Variants in MICAL2 observed in about 807,000 individuals in gnomAD.
MICAL2 encodes microtubule associated monooxygenase, calponin and LIM domain containing 2.
A neutral mutation model predicts 127.3 loss-of-function variants in MICAL2; 77 were observed. The ratio of observed to expected loss-of-function variants is 0.60; its 90% CI spans 0.50 to 0.73. MICAL2 has a LOEUF of 0.73. Among genes scored for constraint, MICAL2 ranks in the 30% least tolerant of loss-of-function variants. MICAL2 has a pLI of 0.00. For missense variants in MICAL2, 1,351 were observed against 1,434.4 expected (o/e 0.94, Z 0.94); for synonymous variants, 570 against 551.1 (o/e 1.03, Z -0.48).
At chr11:12,165,441 A>G (rs1303681497) in intron 3 of MICAL2, among the ~76,000 whole-genome samples, 1 of 152,268 alleles carries the variant, frequency 6.6e-6, no homozygotes, top group Non-Finnish European at 1.5e-5. Context: ...TAGTCAAGGA[A>G]GAAATGCTGG....
At chr11:12,220,817 T>C (rs1383881662) in intron 9 of MICAL2, among the ~76,000 whole-genome samples, 1 of 152,242 alleles carries the variant, frequency 6.6e-6, no homozygotes. Context: ...CGGCCCTTTG[T>C]GGCCTTTGAG....
At chr11:12,135,231 ATAAT>A (rs1283137149) in intron 1 of MICAL2, among the ~76,000 whole-genome samples, 1 of 152,234 alleles carries the variant, frequency 6.6e-6, no homozygotes, top group Non-Finnish European at 1.5e-5. Context: ...AGTAATATTA[ATAAT>A]TAAGTATAAT....
intron 13 of MICAL2, 70 bp from the exon 14 acceptor site, chr11:12,226,101 T>C: frequency 2.0e-6 from 3 of 1,491,600 alleles, no homozygotes; most frequent in Non-Finnish European, 2.8e-6. Flanking sequence ...CCTTACCACC[T>C]GAAGGTGCTC....
chr11:12,281,801 C>T (rs778161722), intron 2 of MICAL2, among the ~76,000 whole-genome samples: 2 of 152,222 alleles, frequency 1.3e-5, no homozygotes, highest in Non-Finnish European at 2.9e-5. Context: ...CTCTGGCTTA[C>T]TAAGAGGTAG....
At chr11:12,332,890 C>A (rs1290993121) in intron 32 of MICAL2, among the ~76,000 whole-genome samples, 1 of 152,144 alleles carries the variant, frequency 6.6e-6, no homozygotes, top group East Asian at 1.9e-4. Flanking sequence ...GATGGTAGGG[C>A]CTTGCAGTTT....
At chr11:12,154,426 T>C (rs559342483) in intron 2 of MICAL2, among the ~76,000 whole-genome samples, 133 of 152,240 alleles carry the variant, frequency 8.7e-4, no homozygotes, top group Non-Finnish European at 1.6e-3. Context: ...CCTTGGAATG[T>C]GTATGTAAGA....
At chr11:12,136,107 C>G (rs1181847606) in intron 1 of MICAL2, among the ~76,000 whole-genome samples, 2 of 152,106 alleles carry the variant, frequency 1.3e-5, no homozygotes, top group Admixed American at 6.5e-5. Flanking sequence ...TCATGTCCCA[C>G]TCAATCTCAC....
intron 3 of MICAL2, among the ~76,000 whole-genome samples, chr11:12,190,356 A>T (rs1376547101): frequency 1.3e-5 from 2 of 150,332 alleles, no homozygotes; most frequent in African/African-American, 2.5e-5. Context: ...TGTGTATCCA[A>T]CCCCCAGAAG....
intron 3 of MICAL2, chr11:12,196,338 T>A (rs983760130): frequency 2.0e-5 from 3 of 152,256 alleles, no homozygotes; most frequent in African/African-American, 7.2e-5. Context: ...GTTGTAGATC[T>A]GTTATGTGAG....
chr11:12,271,940 A>C (rs1300801540), upstream of MICAL2, among the ~76,000 whole-genome samples: 5 of 152,062 alleles, frequency 3.3e-5, no homozygotes, highest in Admixed American at 2.6e-4. Context: ...CAGAGTCTCT[A>C]CCTCAACACT....
At chr11:12,301,777 TAAC>T (rs1294940879) in intron 29 of MICAL2, among the ~76,000 whole-genome samples, 1 of 152,172 alleles carries the variant, frequency 6.6e-6, no homozygotes, top group African/African-American at 2.4e-5. Context: ...AGCTGGCAGT[TAAC>T]AAAGTCAGAA....
At chr11:12,353,538 G>T (rs1236221183) in intron 33 of MICAL2, among the ~76,000 whole-genome samples, 1 of 152,146 alleles carries the variant, frequency 6.6e-6, no homozygotes, top group Non-Finnish European at 1.5e-5. Flanking sequence ...ATCTGTGTGT[G>T]GTCCTCCTTT....
At chr11:12,294,605 A>G, downstream of MICAL2, 2 of 1,614,214 alleles carry the variant, frequency 1.2e-6, no homozygotes, top group Non-Finnish European at 8.5e-7. Flanking sequence ...GCCTCCAAAG[A>G]AAAGAATCTC....
chr11:12,209,380 C>T (rs1855145601), intron 5 of MICAL2, 117 bp from the exon 6 acceptor site: 3 of 817,120 alleles, frequency 3.7e-6, no homozygotes, highest in Non-Finnish European at 6.4e-6. Flanking sequence ...TGGAGGCTCT[C>T]TCTGTGATAC....
intron 3 of MICAL2, among the ~76,000 whole-genome samples, chr11:12,178,523 T>C (rs1199668559): frequency 6.6e-6 from 1 of 152,110 alleles, no homozygotes; most frequent in Non-Finnish European, 1.5e-5. Flanking sequence ...GATTTTCTGA[T>C]TGGCAATTGG....
At chr11:12,296,761 T>A (rs77252318), downstream of MICAL2, among the ~76,000 whole-genome samples, 5,811 of 152,022 alleles carry the variant, frequency 0.038, 188 homozygotes, top group African/African-American at 0.086. Flanking sequence ...AGAGCAAATT[T>A]ATATACTATA....
intron 2 of MICAL2, among the ~76,000 whole-genome samples, chr11:12,146,167 T>A (rs1852878810): frequency 6.6e-6 from 1 of 152,186 alleles, no homozygotes; most frequent in Non-Finnish European, 1.5e-5. Context: ...AAGGACTTCA[T>A]GTCTAAAACA....
At chr11:12,315,100 T>C (rs1349587862) in intron 29 of MICAL2, among the ~76,000 whole-genome samples, 2 of 152,352 alleles carry the variant, frequency 1.3e-5, no homozygotes, top group African/African-American at 2.4e-5. Context: ...TTTTAAAGGA[T>C]ATTTCTTTAG....
At chr11:12,247,094 C>T (rs1860860251) in intron 21 of MICAL2, among the ~76,000 whole-genome samples, 1 of 152,118 alleles carries the variant, frequency 6.6e-6, no homozygotes, top group South Asian at 2.1e-4. Flanking sequence ...AAGGCAAAGG[C>T]TCAGGGAGGA....
Sources: gnomAD v4.1 joint callset for allele counts (sites outside exome capture counted in the v4.1 genomes callset) on GRCh38, gnomAD v4.1.1 for gene constraint, MANE v1.5 for transcripts, NCBI Gene and HGNC (gene_info 2026-07-23, HGNC 2026-07-21) for gene names.